Variants in ATP13A4 observed in about 807,000 individuals in gnomAD.
ATP13A4 encodes the protein ATPase 13A4.
In ATP13A4, 114 loss-of-function variants were observed where a neutral mutation model predicts 142.5. The ratio of observed to expected loss-of-function variants is 0.80; its 90% CI spans 0.69 to 0.93. The LOEUF (loss-of-function observed/expected upper bound fraction) is 0.93. Ranked by LOEUF, ATP13A4 falls within the 40% of genes least tolerant of loss-of-function variation. The pLI, the probability that ATP13A4 is intolerant of heterozygous loss-of-function variation, is 0.00. For synonymous variants in ATP13A4, 488 were observed against 514.8 expected, an observed-to-expected ratio of 0.95 and a Z score of 0.70; for missense variants, 1,392 against 1,454.0, an observed-to-expected ratio of 0.96 and a Z score of 0.69.
intron 10 of ATP13A4, 66 bp from the exon 11 acceptor site, chr3:193,466,248 T>C: frequency 2.5e-6 from 4 of 1,580,920 alleles, no homozygotes; most frequent in Non-Finnish European, 3.5e-6. Context: ...CTTCCAAACC[T>C]CAACACTGCC....
At position 193,399,814 on chromosome 3, in the gene ATP13A4, C is replaced by G. The variant is rs1452240709; in HGVS notation, c.*2838G>C. On this transcript the variant is annotated 3_prime_UTR_variant, in exon 30 of 30. Coordinates refer to ENST00000342695, the MANE Select transcript of ATP13A4 (RefSeq NM_032279.4). Reference sequence around the variant, plus strand: ...TGAGCCGAGATTGTGCCACTGCACTCTAGCCTGGGCAACAGAGTGAGACTC... The same window carrying G: ...TGAGCCGAGATTGTGCCACTGCACTGTAGCCTGGGCAACAGAGTGAGACTC... Among the ~76,000 whole-genome samples, 1 of 128,608 alleles carries G rather than the reference C, an allele frequency of 7.8e-6. No individual in the cohort carries two copies. The allele number at this position is 128,608 out of a possible 152,430, so 84.4% of individuals were successfully genotyped here.
At chr3:193,403,476 A>G (rs563772586) in intron 29 of ATP13A4, among the ~76,000 whole-genome samples, 1 of 152,242 alleles carries the variant, frequency 6.6e-6, no homozygotes, top group East Asian at 1.9e-4. Context: ...AGGCTTATAT[A>G]ACTCCCTTTA....
chr3:193,539,606 C>T (rs1577063995), intron 1 of ATP13A4, among the ~76,000 whole-genome samples: 3 of 152,268 alleles, frequency 2.0e-5, no homozygotes, highest in Admixed American at 2.0e-4. Context: ...TCTGAGAAAC[C>T]AGATTTGTCA....
At chr3:193,435,256 T>C (rs925855216) in intron 24 of ATP13A4, among the ~76,000 whole-genome samples, 6 of 67,526 alleles carry the variant, frequency 8.9e-5, no homozygotes, top group Admixed American at 5.1e-4. Flanking sequence ...AATAATCAGG[T>C]CTTTTTTTTC....
intron 21 of ATP13A4, among the ~76,000 whole-genome samples, 188 bp from the exon 22 acceptor site, chr3:193,439,253 A>C (rs370816184): frequency 1.6e-4 from 25 of 152,198 alleles, no homozygotes; most frequent in African/African-American, 6.0e-4. Flanking sequence ...GAAATTCAGA[A>C]CGTGATTCCT....
At chr3:193,547,366 T>C (rs1175248273) in intron 1 of ATP13A4, among the ~76,000 whole-genome samples, 1 of 152,244 alleles carries the variant, frequency 6.6e-6, no homozygotes, top group African/African-American at 2.4e-5. Flanking sequence ...CAGGCTGGCA[T>C]CACAATCATT....
chr3:193,575,176 G>A (rs1315894993), intron 2 of ATP13A4, among the ~76,000 whole-genome samples: 3 of 152,308 alleles, frequency 2.0e-5, no homozygotes, highest in East Asian at 3.9e-4. Flanking sequence ...GTTTTGGGTT[G>A]TTAGTCATGC....
Position 193,434,027 on chromosome 3 carries a change from T to C in ATP13A4, c.2770-110A>G. On this transcript the variant is annotated intron_variant, in intron 24 of 29. Transcript: ENST00000342695. ...ACATAGGGTTTTTCAAGTAAATTAC[T>C]GTGGAGATGCTGTGTTCGGGGCCTG... is the stretch of plus-strand genomic sequence containing the variant. 3.3e-6 allele frequency: 3 copies of C among 909,964 alleles called. No homozygotes were observed. The East Asian group carries it at 7.5e-5, about 23-fold the overall frequency. The allele number at this position is 909,964 out of a possible 1,614,324, so 56.4% of individuals were successfully genotyped here.
chr3:193,534,265 CA>C (rs1722479348), intron 1 of ATP13A4, among the ~76,000 whole-genome samples: 1 of 152,114 alleles, frequency 6.6e-6, no homozygotes, highest in Non-Finnish European at 1.5e-5. Context: ...CTAACGATGA[CA>C]TTAAGTTTTA....
intron 8 of ATP13A4, among the ~76,000 whole-genome samples, chr3:193,474,741 AAAG>A (rs1178148570): frequency 6.6e-6 from 1 of 151,598 alleles, no homozygotes; most frequent in East Asian, 1.9e-4. Flanking sequence ...AGAAAGAAAG[AAAG>A]AAAGGAAAAA....
chr3:193,429,485 G>T (rs1715855121), intron 25 of ATP13A4, among the ~76,000 whole-genome samples: 1 of 152,204 alleles, frequency 6.6e-6, no homozygotes, highest in South Asian at 2.1e-4. Flanking sequence ...AAGTTCTGAT[G>T]CATGTTACAA....
At chr3:193,430,306 G>A (rs1715900051) in intron 25 of ATP13A4, among the ~76,000 whole-genome samples, 1 of 152,064 alleles carries the variant, frequency 6.6e-6, no homozygotes, top group African/African-American at 2.4e-5. Context: ...GCCTGTACGA[G>A]GTTGTTCTTT....
chr3:193,589,379 C>G (rs1724723515), intron 1 of ATP13A4, among the ~76,000 whole-genome samples: 1 of 152,080 alleles, frequency 6.6e-6, no homozygotes, highest in African/African-American at 2.4e-5. Flanking sequence ...CAGGAAACCA[C>G]AAAGAGTAGT....
At chr3:193,516,679 ATAT>A (rs1357872090) in intron 1 of ATP13A4, among the ~76,000 whole-genome samples, 18 of 152,158 alleles carry the variant, frequency 1.2e-4, no homozygotes. Flanking sequence ...TCTTTTTAAA[ATAT>A]TATATTTAAA....
intron 2 of ATP13A4, among the ~76,000 whole-genome samples, chr3:193,575,959 C>G (rs1415240881): frequency 6.6e-6 from 1 of 152,144 alleles, no homozygotes; most frequent in Non-Finnish European, 1.5e-5. Context: ...ATTGTCTTGA[C>G]TGGGACGGGG....
intron 1 of ATP13A4, among the ~76,000 whole-genome samples, chr3:193,549,284 C>T (rs1285853035): frequency 6.6e-6 from 1 of 150,978 alleles, no homozygotes; most frequent in African/African-American, 2.4e-5. Context: ...TATCTAAGTA[C>T]AAAGTTGTTC....
chr3:193,438,161 A>G (rs1287988202), intron 23 of ATP13A4, among the ~76,000 whole-genome samples: 1 of 152,200 alleles, frequency 6.6e-6, no homozygotes, highest in East Asian at 1.9e-4. Context: ...TTTTTCAAAT[A>G]AAAATTGAAA....
intron 24 of ATP13A4, among the ~76,000 whole-genome samples, 154 bp downstream of exon 24, chr3:193,435,494 A>G (rs1325185228): frequency 2.6e-5 from 4 of 152,074 alleles, no homozygotes; most frequent in African/African-American, 9.7e-5. Flanking sequence ...TCTATTTGTG[A>G]TTTACTTTAC....
At chr3:193,472,842 T>G (rs1718703634) in intron 8 of ATP13A4, among the ~76,000 whole-genome samples, 1 of 152,172 alleles carries the variant, frequency 6.6e-6, no homozygotes, top group African/African-American at 2.4e-5. Context: ...CAGCCAGGTT[T>G]CTCACTGAAG....
Sources: gnomAD v4.1 joint callset for allele counts (sites outside exome capture counted in the v4.1 genomes callset) on GRCh38, gnomAD v4.1.1 for gene constraint, MANE v1.5 for transcripts, NCBI Gene and HGNC (gene_info 2026-07-23, HGNC 2026-07-21) for gene names.